Variants in BIRC6 observed in about 807,000 individuals in gnomAD.
BIRC6 encodes the protein baculoviral IAP repeat containing 6.
In BIRC6, 98 loss-of-function variants were observed where a neutral mutation model predicts 503.3. That is an observed-to-expected ratio of 0.19 (90% CI 0.17 to 0.23). The LOEUF (loss-of-function observed/expected upper bound fraction) is 0.23, where lower values mean the gene tolerates loss of function less well. Among genes scored for constraint, BIRC6 ranks in the 10% least tolerant of loss-of-function variants. The pLI is 1.00. For synonymous variants in BIRC6, 2,240 were observed against 2,078.7 expected (o/e 1.08, Z -2.11); for missense variants, 5,360 against 5,806.0 (o/e 0.92, Z 2.50).
chr2:32,450,359 G>T (rs928720059), intron 22 of BIRC6, among the ~76,000 whole-genome samples: 1 of 152,090 alleles, frequency 6.6e-6, no homozygotes, highest in Non-Finnish European at 1.5e-5. Context: ...GGCACCTGTA[G>T]GCTGAGGCAG....
intron 65 of BIRC6, among the ~76,000 whole-genome samples, chr2:32,551,049 A>G (rs1380749102): frequency 6.6e-6 from 1 of 152,064 alleles, no homozygotes; most frequent in East Asian, 1.9e-4. Flanking sequence ...GGATGTGGTA[A>G]CAAATACTTA....
rs1462825470 is a variant in BIRC6 at position 32,429,227 on chromosome 2, C to A, written c.2954C>A (p.Ser985Tyr). ...GATATACTAGTGGATGGATCTCTTTCTAAAGGAATAGAACCATCTTCAGAA... is the reference window on the plus strand; with the variant it reads ...GATATACTAGTGGATGGATCTCTTTATAAAGGAATAGAACCATCTTCAGAA... ...EADILVDGSL[S>Y]KGIEPSSEGS... is the part of the protein sequence containing the mutation. Residue 985 changes from serine (S) to tyrosine (Y), a missense_variant, in exon 11 of 74, where the codon TCT becomes TAT. By Grantham distance (144) the Ser-to-Tyr change is moderately radical. This residue lies in a region of BIRC6 where 700 missense variants were observed against 739.3 expected (regional missense o/e 0.95). Transcript: ENST00000421745. The A allele has an allele frequency of 4.5e-6, 7 of 1,566,238 alleles. No homozygotes were observed. Among genetic ancestry groups the A allele is most frequent in the Non-Finnish European group, 6.1e-6 (7 of 1,153,726 alleles).
At chr2:32,480,105 C>T (rs1413977381) in intron 37 of BIRC6, among the ~76,000 whole-genome samples, 2 of 152,190 alleles carry the variant, frequency 1.3e-5, no homozygotes, top group Admixed American at 6.5e-5. Flanking sequence ...CAGTCATTTT[C>T]AACCATTTGT....
intron 49 of BIRC6, among the ~76,000 whole-genome samples, chr2:32,503,510 G>A (rs1341229493): frequency 6.6e-6 from 1 of 152,136 alleles, no homozygotes; most frequent in Non-Finnish European, 1.5e-5. Flanking sequence ...TGCAACCTCT[G>A]CCTCCTGGGT....
chr2:32,572,558 C>G (rs1365085663), intron 65 of BIRC6, among the ~76,000 whole-genome samples: 1 of 152,194 alleles, frequency 6.6e-6, no homozygotes, highest in Non-Finnish European at 1.5e-5. Flanking sequence ...TCTAGCTTTT[C>G]CACATCCTCA....
chr2:32,452,433 A>G (rs1456901371), intron 22 of BIRC6, among the ~76,000 whole-genome samples: 1 of 152,140 alleles, frequency 6.6e-6, no homozygotes, highest in African/African-American at 2.4e-5. Context: ...AATACCAGTA[A>G]AACAAGGAAA....
intron 6 of BIRC6, among the ~76,000 whole-genome samples, chr2:32,400,384 G>A (rs2040471180): frequency 1.4e-5 from 2 of 146,900 alleles, no homozygotes; most frequent in Admixed American, 1.4e-4. Context: ...CGTTGCCCAG[G>A]CTGGAGTGCA....
At chr2:32,428,919 C>A (rs1002956705) in intron 10 of BIRC6, among the ~76,000 whole-genome samples, 3 of 151,964 alleles carry the variant, frequency 2.0e-5, no homozygotes, top group African/African-American at 7.3e-5. Flanking sequence ...TAGATAAATA[C>A]CTGTTTTCAT....
intron 22 of BIRC6, among the ~76,000 whole-genome samples, chr2:32,450,647 A>G (rs2148568846): frequency 6.6e-6 from 1 of 152,204 alleles, no homozygotes; most frequent in Non-Finnish European, 1.5e-5. Flanking sequence ...ACCATATGGC[A>G]CCTATTTTTC....
chr2:32,481,343 GA>G lies in BIRC6; in HGVS notation c.7437del (p.Asp2480IlefsTer12). The G allele has an allele frequency of 6.2e-7, 1 of 1,608,000 alleles. No homozygotes were observed. Among genetic ancestry groups the G allele is most frequent in the Non-Finnish European group, 8.5e-7 (1 of 1,176,744 alleles). On this transcript the variant is annotated frameshift_variant, in exon 38 of 74. Coordinates refer to ENST00000421745, the MANE Select transcript of BIRC6 (RefSeq NM_016252.4). LOFTEE classifies it high-confidence loss of function. ...ITGAPPLSSLEKDKEIDLELL... is the reference protein window; with the variant it reads ...ITGAPPLSSLXKDKEIDLELL... The stretch of plus-strand genomic sequence containing the variant: ...AGGTGCACCTCCTCTGTCCTCTTTG[GA>G]AAAAGATAAAGAAATTGACCTTGAG...
intron 48 of BIRC6, 57 bp downstream of exon 48, chr2:32,502,948 A>C (rs2053369124): frequency 6.5e-7 from 1 of 1,536,594 alleles, no homozygotes; most frequent in Admixed American, 1.9e-5. Context: ...AGTATGTTAC[A>C]TTTTCATTTT....
chr2:32,507,723 G>C (rs2053955480), intron 50 of BIRC6, among the ~76,000 whole-genome samples: 1 of 152,068 alleles, frequency 6.6e-6, no homozygotes, highest in South Asian at 2.1e-4. Flanking sequence ...CACATCTTTG[G>C]TTCCTCTTTT....
intron 6 of BIRC6, among the ~76,000 whole-genome samples, chr2:32,398,007 T>C (rs1234553917): frequency 6.6e-6 from 1 of 151,762 alleles, no homozygotes; most frequent in African/African-American, 2.4e-5. Flanking sequence ...TCCAAATGGG[T>C]AGGAGGGAAG....
chr2:32,515,339 G>T lies in BIRC6; in HGVS notation c.10918G>T (p.Ala3640Ser). The T allele has an allele frequency of 6.2e-7, 1 of 1,613,682 alleles. No individual in the cohort carries two copies. Among genetic ancestry groups the T allele is most frequent in the East Asian group, 2.2e-5 (1 of 44,872 alleles). ...GLPSLLVRSL[A>S]SFCFSHISSS... Reference sequence around the variant, plus strand: ...GCCTTCTCTTCTTGTGAGGAGTCTGGCTAGTTTCTGCTTTAGCCACATTTC... The same window carrying T: ...GCCTTCTCTTCTTGTGAGGAGTCTGTCTAGTTTCTGCTTTAGCCACATTTC... Residue 3640 changes from alanine to serine, a missense_variant, in exon 55 of 74, where the codon GCT becomes TCT. Physicochemically the swap from Ala to Ser is moderately conservative, Grantham distance 99. Transcript: ENST00000421745.
At chr2:32,570,385 T>C (rs1261087155) in intron 65 of BIRC6, among the ~76,000 whole-genome samples, 1 of 152,228 alleles carries the variant, frequency 6.6e-6, no homozygotes, top group Non-Finnish European at 1.5e-5. Flanking sequence ...GGTTTCACCA[T>C]GTTGGTCAGG....
At position 32,599,727 on chromosome 2, in the gene BIRC6, A is replaced by G; in HGVS notation, c.13831-12A>G. The G allele has an allele frequency of 1.2e-6, 2 of 1,609,244 alleles. No homozygotes were observed. The highest frequency in any genetic ancestry group is 1.7e-6 in the Non-Finnish European group (2 of 1,175,968). The stretch of plus-strand genomic sequence containing the variant: ...TGTTAACATAGACTTTTGTATGTTT[A>G]TATATATCCAGGTTCTAATAACTGG... On this transcript the variant is annotated splice_polypyrimidine_tract_variant and intron_variant, in intron 69 of 73. Transcript: ENST00000421745.
chr2:32,555,063 C>T (rs1033618912), intron 65 of BIRC6, among the ~76,000 whole-genome samples: 7 of 151,996 alleles, frequency 4.6e-5, no homozygotes, highest in African/African-American at 4.8e-5. Flanking sequence ...TATAAAAATA[C>T]TTTATTTTGT....
chr2:32,488,326 A>T (rs897077726), intron 41 of BIRC6, among the ~76,000 whole-genome samples: 13 of 152,150 alleles, frequency 8.5e-5, no homozygotes, highest in Admixed American at 8.5e-4. Flanking sequence ...GACTTGAATC[A>T]CCTGTTTTAA....
At chr2:32,580,347 G>T (rs1292629486) in intron 66 of BIRC6, among the ~76,000 whole-genome samples, 1 of 152,154 alleles carries the variant, frequency 6.6e-6, no homozygotes, top group Non-Finnish European at 1.5e-5. Context: ...AGGCCTAAAG[G>T]ATACATAGGA....
Sources: allele counts gnomAD v4.1 joint callset (sites outside exome capture counted in the v4.1 genomes callset), GRCh38; gene constraint gnomAD v4.1.1; regional missense constraint gnomAD v4.1.1; transcripts MANE v1.5; gene names NCBI Gene and HGNC (gene_info 2026-07-23, HGNC 2026-07-21).